Variants in SSU72 observed in about 807,000 individuals in gnomAD.
The protein encoded by SSU72 is RNA polymerase II subunit A C-terminal domain phosphatase SSU72.
In SSU72, 12 loss-of-function variants were observed where a neutral mutation model predicts 22.7. The ratio of observed to expected loss-of-function variants is 0.53; its 90% CI spans 0.34 to 0.86. The LOEUF is 0.86. SSU72 is among the 40% of genes least tolerant of loss of function. The pLI, the probability that SSU72 is intolerant of heterozygous loss-of-function variation, is 0.02. For missense variants in SSU72, 151 were observed against 249.8 expected (o/e 0.60, Z 2.67); for synonymous variants, 116 against 98.3 (o/e 1.18, Z -1.06).
intron 2 of SSU72, among the ~76,000 whole-genome samples, chr1:1,553,164 T>G (rs539586806): frequency 2.6e-5 from 4 of 152,130 alleles, no homozygotes; most frequent in Non-Finnish European, 5.9e-5. Context: ...CCCCATGGTG[T>G]CCGGCTTCAC....
intron 2 of SSU72, chr1:1,564,453 A>G (rs757975427): frequency 2.0e-6 from 3 of 1,466,848 alleles, no homozygotes; most frequent in Admixed American, 2.5e-5. Flanking sequence ...GCAGTGTGAA[A>G]AGCAATGGGA....
chr1:1,567,912 C>CAAAAA lies in SSU72; in HGVS notation c.81-3001_81-2997dup, dbSNP rs71574349. ...TGGGAAACAGAGCGATACTCTGTTT[C>CAAAAA]AAAAAAAAAAAAAAAAATCGCACAA... On this transcript the variant is annotated intron_variant, in intron 1 of 4. Coordinates refer to ENST00000291386, the MANE Select transcript of SSU72 (RefSeq NM_014188.3). Among the ~76,000 whole-genome samples the CAAAAA allele has an allele frequency of 9.2e-4, 90 of 98,354 alleles. 3 individuals carry two copies. The highest frequency in any genetic ancestry group is 3.2e-3 in the African/African-American group (76 of 23,866). The allele number at this position is 98,354 out of a possible 152,430, so 64.5% of individuals were successfully genotyped here.
chr1:1,564,963 A>C (rs1642640550), intron 1 of SSU72, 47 bp from the exon 2 acceptor site: 1 of 1,538,928 alleles, frequency 6.5e-7, no homozygotes, highest in South Asian at 1.3e-5. Context: ...CTAAGACACA[A>C]AATTCCAAAA....
chr1:1,551,127 A>C (rs1188877044), intron 2 of SSU72, among the ~76,000 whole-genome samples: 1 of 152,158 alleles, frequency 6.6e-6, no homozygotes, highest in African/African-American at 2.4e-5. Flanking sequence ...GCAAAGCCTA[A>C]AGCACACACT....
intron 2 of SSU72, among the ~76,000 whole-genome samples, chr1:1,549,967 C>CT (rs1265394266): frequency 7.2e-6 from 1 of 139,350 alleles, no homozygotes; most frequent in Non-Finnish European, 1.5e-5. Context: ...GAGCGAGACT[C>CT]TGTCTCAAAA....
chr1:1,570,782 C>T (rs1294453086), intron 1 of SSU72, among the ~76,000 whole-genome samples: 2 of 152,340 alleles, frequency 1.3e-5, no homozygotes, highest in East Asian at 1.9e-4. Flanking sequence ...AATGGTACCT[C>T]TGAGAGACCA....
intron 1 of SSU72, among the ~76,000 whole-genome samples, chr1:1,572,914 A>G (rs1232170180): frequency 3.3e-5 from 5 of 150,182 alleles, no homozygotes; most frequent in African/African-American, 1.2e-4. Context: ...GTTTTGCTTA[A>G]ATGTATCAAA....
intron 1 of SSU72, among the ~76,000 whole-genome samples, chr1:1,571,819 G>A (rs577046662): frequency 1.3e-5 from 2 of 151,190 alleles, no homozygotes; most frequent in East Asian, 2.0e-4. Context: ...ACAGAGTCTC[G>A]CTCTGTCACC....
At position 1,557,611 on chromosome 1, in the gene SSU72, G is replaced by A. The variant is rs776048946; in HGVS notation, c.224+7162C>T. Among the ~76,000 whole-genome samples the A allele has an allele frequency of 2.6e-5, 4 of 151,700 alleles. No homozygotes were observed. The South Asian group carries it at 6.2e-4, about 24-fold the overall frequency. On this transcript the variant is annotated intron_variant, in intron 2 of 4. Transcript: ENST00000291386. ...GTGTTTTGAGACATGTCTGGCCAAC[G>A]TGGTGAAACCCCATCTCTACTAAAA... is the stretch of plus-strand genomic sequence containing the variant.
intron 2 of SSU72, among the ~76,000 whole-genome samples, chr1:1,555,015 T>A (rs1035571390): frequency 1.3e-5 from 2 of 152,104 alleles, no homozygotes; most frequent in East Asian, 3.9e-4. Context: ...GTATGACTCA[T>A]CCCAGAGCAT....
chr1:1,546,952 C>G (rs868452044), intron 2 of SSU72, among the ~76,000 whole-genome samples: 2 of 149,810 alleles, frequency 1.3e-5, no homozygotes, highest in Admixed American at 1.4e-4. Flanking sequence ...GAAGCTTGAA[C>G]CTGGGAGGCG....
rs574777927 is a variant in SSU72, at chr1:1,569,832, G to T, written c.80+4646C>A. On this transcript the variant is annotated intron_variant, in intron 1 of 4. Coordinates refer to ENST00000291386, the MANE Select transcript of SSU72 (RefSeq NM_014188.3). ...ATTTTTAAAAGGGGCGAGGTTCACT[G>T]ATCAGCTAGCTACTGTGCCTGCTCA... 2.0e-5 allele frequency among the ~76,000 whole-genome samples: 3 copies of T among 150,788 alleles called. No homozygotes were observed. The Admixed American group carries it at 2.0e-4, about 10-fold the overall frequency.
rs1642331937 is a variant in SSU72 at position 1,542,310 on chromosome 1, C to A, written c.484-143G>T. On this transcript the variant is annotated intron_variant, in intron 4 of 4. Transcript: ENST00000291386. This position sits in a 1 kb window ranked among gnomAD's most constrained non-coding sequence, Gnocchi z 4.4. ...GGCCCTCACCCCACCGCTGCTGCCT[C>A]ACAAGGACGGCCGGAGGCTGCAGGG... is the stretch of plus-strand genomic sequence containing the variant. 2.6e-6 allele frequency: 2 copies of A among 761,896 alleles called. No homozygotes were observed. The highest frequency in any genetic ancestry group is 4.2e-6 in the Non-Finnish European group (2 of 471,730). The allele number at this position is 761,896 out of a possible 1,614,324, so 47.2% of individuals were successfully genotyped here.
rs563873840 is a variant in SSU72, at chr1:1,574,520, G to A, written c.38C>T (p.Ser13Leu). 6.3e-7 allele frequency: 1 copy of A among 1,593,850 alleles called. No individual in the cohort carries two copies. The change falls in exon 1 of 5, where the codon TCG becomes TTG. Residue 13 changes from serine to leucine, a missense_variant. Ser to Leu is a moderately radical substitution (Grantham distance 145, BLOSUM62 -2). Coordinates refer to ENST00000291386, the MANE Select transcript of SSU72 (RefSeq NM_014188.3). Reference protein sequence around the residue: ...SSPLRVAVVCSSNQNRSMEAH... With the variant: ...SSPLRVAVVCLSNQNRSMEAH... ...CTCCATGCTCCGGTTCTGGTTGCTC[G>A]AGCACACCACCGCCACCCGCAGCGG...
At chr1:1,564,144 C>A (rs115930122) in intron 2 of SSU72, 15 of 170,826 alleles carry the variant, frequency 8.8e-5, no homozygotes, top group South Asian at 3.7e-4. Flanking sequence ...AACCCGGGCA[C>A]TGATTGTCAT....
In SSU72 at chr1:1,542,237, G is replaced by T. The variant is rs759604476; in HGVS notation, c.484-70C>A. On this transcript the variant is annotated intron_variant, in intron 4 of 4. Transcript: ENST00000291386. The surrounding 1 kb of genome is among the most constrained non-coding windows in gnomAD (Gnocchi z 4.4). The stretch of plus-strand genomic sequence containing the variant: ...GTCTGCTCCCCCTAACACCTGGATC[G>T]CCAGGGAAACGCCAGGCCTGAGCCA... 2 of 1,451,726 alleles carry T rather than the reference G, an allele frequency of 1.4e-6. No homozygotes were observed. Among genetic ancestry groups the T allele is most frequent in the African/African-American group, 1.4e-5 (1 of 70,988 alleles). 89.9% of individuals were successfully genotyped at this position (1,451,726 alleles called of 1,614,324 possible). A position where few individuals can be genotyped will look rare whatever the true frequency, so the allele number is the denominator to read the frequency against.
Position 1,549,842 on chromosome 1 carries a change from C to T in SSU72, c.225-4840G>A, listed in dbSNP as rs535925868. 7.3e-5 allele frequency among the ~76,000 whole-genome samples: 11 copies of T among 151,724 alleles called. No homozygotes were observed. In the South Asian group the frequency reaches 1.9e-3, roughly 26 times the overall value. On this transcript the variant is annotated intron_variant, in intron 2 of 4. Coordinates refer to ENST00000291386, the MANE Select transcript of SSU72 (RefSeq NM_014188.3). Reference sequence around the variant, plus strand: ...ATAAAAAATTAGCCGGGCATGGTGGCGGGTGCCTGTAATCCCACTGCTCAG... The same window carrying T: ...ATAAAAAATTAGCCGGGCATGGTGGTGGGTGCCTGTAATCCCACTGCTCAG...
chr1:1,568,402 G>C (rs953827633), intron 1 of SSU72, among the ~76,000 whole-genome samples: 2 of 151,822 alleles, frequency 1.3e-5, no homozygotes, highest in African/African-American at 4.8e-5. Flanking sequence ...GACCAGCCTG[G>C]CCAACATGAC....
At position 1,544,415 on chromosome 1, in the gene SSU72, C is replaced by G. The variant is rs550180419; in HGVS notation, c.365-428G>C. 4.7e-4 allele frequency among the ~76,000 whole-genome samples: 72 copies of G among 152,144 alleles called. No individual in the cohort carries two copies. In the South Asian group the frequency reaches 7.0e-3, roughly 15 times the overall value. ...GGCGGATCACTTGAGGACAGGAGTT[C>G]AAGACCAGCCTGGCCAACATGGTGA... On this transcript the variant is annotated intron_variant, in intron 3 of 4. Transcript: ENST00000291386.
Sources: gnomAD v4.1 joint callset for allele counts (sites outside exome capture counted in the v4.1 genomes callset) on GRCh38, gnomAD v4.1.1 for gene constraint, Gnocchi (gnomAD v3.1) non-coding constraint, MANE v1.5 for transcripts, NCBI Gene and HGNC (gene_info 2026-07-23, HGNC 2026-07-21) for gene names.